The following SLC4A4 variants were observed in gnomAD, a reference collection of about 807,000 sequenced individuals.
The protein encoded by SLC4A4 is solute carrier family 4 member 4.
In SLC4A4, 27 loss-of-function variants were observed where a neutral mutation model predicts 111.5. The ratio of observed to expected loss-of-function variants is 0.24; its 90% CI spans 0.18 to 0.33. The LOEUF (loss-of-function observed/expected upper bound fraction) is 0.33, where lower values mean the gene tolerates loss of function less well. Among genes scored for constraint, SLC4A4 ranks in the 10% least tolerant of loss-of-function variants. The pLI, the probability that SLC4A4 is intolerant of heterozygous loss-of-function variation, is 1.00. For missense variants in SLC4A4, 909 were observed against 1,315.5 expected, an observed-to-expected ratio of 0.69 and a Z score of 4.78; for synonymous variants, 443 against 463.4, an observed-to-expected ratio of 0.96 and a Z score of 0.57.
intron 3 of SLC4A4, among the ~76,000 whole-genome samples, chr4:71,285,400 G>A (rs914639401): frequency 6.6e-6 from 1 of 152,084 alleles, no homozygotes; most frequent in Non-Finnish European, 1.5e-5. Flanking sequence ...GGCTCACCTG[G>A]GGAGACTGAG....
At chr4:71,345,707 C>T (rs903792257) in intron 4 of SLC4A4, among the ~76,000 whole-genome samples, 2 of 152,074 alleles carry the variant, frequency 1.3e-5, no homozygotes, top group African/African-American at 4.8e-5. Flanking sequence ...AAAGACTGCT[C>T]TCTCCCAGTC....
At chr4:71,484,626 G>A (rs1270815848) in intron 14 of SLC4A4, among the ~76,000 whole-genome samples, 1 of 151,392 alleles carries the variant, frequency 6.6e-6, no homozygotes, top group African/African-American at 2.4e-5. Flanking sequence ...TGTTCTTTTT[G>A]GCTATTTGGG....
intron 18 of SLC4A4, among the ~76,000 whole-genome samples, chr4:71,538,088 T>C (rs1029184066): frequency 4.4e-5 from 5 of 112,586 alleles, no homozygotes; most frequent in Admixed American, 1.0e-4. Context: ...AGGCTAGAAA[T>C]GGTTGTTGAC....
chr4:71,078,019 T>A (rs762792721), intron 1 of SLC4A4, among the ~76,000 whole-genome samples: 1 of 152,130 alleles, frequency 6.6e-6, no homozygotes, highest in Non-Finnish European at 1.5e-5. Flanking sequence ...CTTCTTTTCA[T>A]CCCATTACTT....
intron 12 of SLC4A4, among the ~76,000 whole-genome samples, chr4:71,463,213 A>G (rs1254149840): frequency 6.6e-6 from 1 of 152,162 alleles, no homozygotes; most frequent in Non-Finnish European, 1.5e-5. Context: ...TTGCTAGGGA[A>G]TATGTTCCTC....
At chr4:71,296,318 G>A (rs1005017866) in intron 3 of SLC4A4, among the ~76,000 whole-genome samples, 3 of 152,052 alleles carry the variant, frequency 2.0e-5, no homozygotes, top group African/African-American at 4.8e-5. Flanking sequence ...GGATTTACAC[G>A]CATTTAAATG....
intron 2 of SLC4A4, among the ~76,000 whole-genome samples, chr4:71,160,624 T>C (rs1744594894): frequency 1.3e-5 from 2 of 149,734 alleles, no homozygotes. Flanking sequence ...AGATGGGAGA[T>C]GGACTAGATG....
At chr4:71,549,862 T>C (rs775488581) in intron 20 of SLC4A4, among the ~76,000 whole-genome samples, 1 of 151,938 alleles carries the variant, frequency 6.6e-6, no homozygotes, top group Admixed American at 6.6e-5. Context: ...AAAGTTCTTT[T>C]GTTCTTTACA....
chr4:71,233,661 T>C (rs1468324783), intron 1 of SLC4A4, among the ~76,000 whole-genome samples: 1 of 152,148 alleles, frequency 6.6e-6, no homozygotes, highest in Non-Finnish European at 1.5e-5. Context: ...AGACATCTAC[T>C]TGTATGTCCG....
intron 14 of SLC4A4, among the ~76,000 whole-genome samples, chr4:71,479,574 C>T (rs1303139886): frequency 6.6e-6 from 1 of 151,694 alleles, no homozygotes; most frequent in East Asian, 1.9e-4. Context: ...TAACTTACCT[C>T]CCATGAACTA....
At chr4:71,509,299 G>C (rs952760589) in intron 16 of SLC4A4, among the ~76,000 whole-genome samples, 1 of 152,210 alleles carries the variant, frequency 6.6e-6, no homozygotes, top group Admixed American at 6.5e-5. Context: ...AATTGGAAGA[G>C]AGGAAGTCAA....
At position 71,230,877 on chromosome 4, in the gene SLC4A4, A is replaced by G. The variant is rs114457072; in HGVS notation, c.-1-5699A>G. Among the ~76,000 whole-genome samples the G allele has an allele frequency of 9.1e-3, 1,387 of 152,336 alleles. 23 individuals are homozygous for G. Among genetic ancestry groups the G allele is most frequent in the African/African-American group, 0.032 (1,312 of 41,574 alleles). On this transcript the variant is annotated intron_variant, in intron 1 of 25. Transcript: ENST00000264485. ...TCACTTCCCCTGAGCTCAGTACCGCAGTCGCTTTCATCCTACAGTTTACAA... is the reference window on the plus strand; with the variant it reads ...TCACTTCCCCTGAGCTCAGTACCGCGGTCGCTTTCATCCTACAGTTTACAA...
chr4:71,095,768 A>G (rs60051209), intron 2 of SLC4A4, among the ~76,000 whole-genome samples: 33,956 of 152,144 alleles, frequency 0.22, 3,841 homozygotes, highest in South Asian at 0.24. Context: ...ATAATAATGT[A>G]TAATGAGGGC....
intron 24 of SLC4A4, 102 bp downstream of exon 24, chr4:71,563,991 T>G: frequency 2.5e-6 from 2 of 793,004 alleles, no homozygotes; most frequent in East Asian, 2.5e-5. Context: ...CTCAATTTTG[T>G]TTTTCCTTTT....
intron 21 of SLC4A4, among the ~76,000 whole-genome samples, chr4:71,555,865 T>A (rs528168940): frequency 1.6e-4 from 24 of 152,050 alleles, no homozygotes; most frequent in Admixed American, 1.5e-3. Flanking sequence ...TGAGACCCTG[T>A]CTCTTTAAAA....
intron 2 of SLC4A4, among the ~76,000 whole-genome samples, chr4:71,164,815 G>A (rs1424284242): frequency 6.6e-6 from 1 of 151,954 alleles, no homozygotes; most frequent in Non-Finnish European, 1.5e-5. Flanking sequence ...CTGACAAAGG[G>A]CTAATATCCA....
At chr4:71,089,171 T>C (rs1578467824) in intron 1 of SLC4A4, among the ~76,000 whole-genome samples, 1 of 152,188 alleles carries the variant, frequency 6.6e-6, no homozygotes, top group East Asian at 1.9e-4. Flanking sequence ...ACTGATACCC[T>C]TTCTTCCAGG....
chr4:71,240,268 G>C (rs1719687134), intron 2 of SLC4A4, among the ~76,000 whole-genome samples: 1 of 152,056 alleles, frequency 6.6e-6, no homozygotes, highest in Non-Finnish European at 1.5e-5. Context: ...TTTGCAATAG[G>C]GGAAAAGAGC....
At chr4:71,529,679 A>T (rs1052991897) in intron 16 of SLC4A4, among the ~76,000 whole-genome samples, 4 of 152,138 alleles carry the variant, frequency 2.6e-5, no homozygotes, top group African/African-American at 7.2e-5. Context: ...CTACCAAAGA[A>T]TTGCAGATTG....
Sources: allele counts gnomAD v4.1 joint callset (sites outside exome capture counted in the v4.1 genomes callset), GRCh38; gene constraint gnomAD v4.1.1; transcripts MANE v1.5; gene names NCBI Gene and HGNC (gene_info 2026-07-23, HGNC 2026-07-21).